The following UBE2E3 variants were observed in gnomAD, a reference collection of about 807,000 sequenced individuals.
The protein encoded by UBE2E3 is ubiquitin-conjugating enzyme E2 E3.
Under a neutral mutation model 23.6 loss-of-function variants are expected in UBE2E3, and 5 were observed. That is an observed-to-expected ratio of 0.21 (90% confidence interval 0.11 to 0.44). The LOEUF (loss-of-function observed/expected upper bound fraction) is 0.44. UBE2E3 is among the 20% of genes least tolerant of loss of function. The pLI is 0.99. For synonymous variants in UBE2E3, 78 were observed against 87.5 expected (o/e 0.89, Z 0.60); for missense variants, 81 against 249.8 (o/e 0.32, Z 4.55).
chr2:181,015,386 T>C (rs1447542774), intron 3 of UBE2E3, among the ~76,000 whole-genome samples: 1 of 152,090 alleles, frequency 6.6e-6, no homozygotes, highest in Non-Finnish European at 1.5e-5. Flanking sequence ...TCTAGAACAT[T>C]TTGTCAATAA....
At chr2:181,050,633 G>A (rs985916905) in intron 3 of UBE2E3, among the ~76,000 whole-genome samples, 35 of 151,708 alleles carry the variant, frequency 2.3e-4, no homozygotes, top group African/African-American at 8.5e-4. Context: ...ATATTTGTAT[G>A]GATTTATTGC....
chr2:181,021,289 C>CT (rs1268576536), intron 3 of UBE2E3, among the ~76,000 whole-genome samples: 1 of 151,656 alleles, frequency 6.6e-6, no homozygotes, highest in East Asian at 1.9e-4. Context: ...ATTTTTCTGT[C>CT]TTTATCCGAG....
Position 181,056,081 on chromosome 2 carries a change from TAAAAA to T in UBE2E3, c.246-1598_246-1594del, listed in dbSNP as rs58442227. On this transcript the variant is annotated intron_variant, in intron 3 of 5. Transcript: ENST00000410062. Reference sequence around the variant, plus strand: ...CCTTATGCCAAAGGAAGGAAATGCTTAAAAAAAAAAAAAAAAAAGATGCTAACATG... The same window carrying T: ...CCTTATGCCAAAGGAAGGAAATGCTTAAAAAAAAAAAAAGATGCTAACATG... Among the ~76,000 whole-genome samples the T allele has an allele frequency of 3.2e-3, 439 of 135,668 alleles. 1 individual carries two copies. Among genetic ancestry groups the T allele is most frequent in the Non-Finnish European group, 5.0e-3 (315 of 63,156 alleles). The allele number at this position is 135,668 out of a possible 152,430, so 89.0% of individuals were successfully genotyped here.
chr2:181,025,434 A>G (rs1476106054), intron 3 of UBE2E3, among the ~76,000 whole-genome samples: 1 of 151,864 alleles, frequency 6.6e-6, no homozygotes, highest in Admixed American at 6.6e-5. Flanking sequence ...GTTAAAATAC[A>G]TTTAGCTTTG....
At chr2:181,016,366 C>T (rs977939870) in intron 3 of UBE2E3, among the ~76,000 whole-genome samples, 1 of 152,076 alleles carries the variant, frequency 6.6e-6, no homozygotes, top group Non-Finnish European at 1.5e-5. Context: ...AGGCATGAGC[C>T]ACCATGCTTG....
At chr2:181,034,548 A>AGG (rs1686203288) in intron 3 of UBE2E3, among the ~76,000 whole-genome samples, 1 of 152,152 alleles carries the variant, frequency 6.6e-6, no homozygotes, top group South Asian at 2.1e-4. Flanking sequence ...GAGCGGGGAG[A>AGG]GATAGCATTA....
intron 3 of UBE2E3, among the ~76,000 whole-genome samples, chr2:180,984,708 G>A (rs908424673): frequency 6.6e-6 from 1 of 152,162 alleles, no homozygotes; most frequent in African/African-American, 2.4e-5. Context: ...ATGAAAAGCA[G>A]TAAATGAATT....
chr2:180,999,063 C>CA (rs1328741293), intron 3 of UBE2E3, among the ~76,000 whole-genome samples: 1 of 152,044 alleles, frequency 6.6e-6, no homozygotes, highest in Non-Finnish European at 1.5e-5. Context: ...TGTTTTGAGG[C>CA]AAATGTAGTA....
At chr2:181,060,284 TC>T (rs1687105298) in intron 4 of UBE2E3, among the ~76,000 whole-genome samples, 1 of 151,722 alleles carries the variant, frequency 6.6e-6, no homozygotes, top group Non-Finnish European at 1.5e-5. Context: ...CTTCATCAGT[TC>T]CTCTTACCTT....
intron 3 of UBE2E3, among the ~76,000 whole-genome samples, chr2:180,998,897 T>A (rs1297317705): frequency 2.0e-5 from 3 of 152,228 alleles, no homozygotes; most frequent in Non-Finnish European, 2.9e-5. Flanking sequence ...AGGTTGTTTG[T>A]AAAATAACTT....
chr2:180,988,185 G>A (rs1684538805), intron 3 of UBE2E3, among the ~76,000 whole-genome samples: 1 of 152,108 alleles, frequency 6.6e-6, no homozygotes, highest in Non-Finnish European at 1.5e-5. Flanking sequence ...AGTGGCCACA[G>A]CAAGATAAAA....
chr2:181,029,206 T>C (rs1310251374), intron 3 of UBE2E3, among the ~76,000 whole-genome samples: 8 of 152,138 alleles, frequency 5.3e-5, no homozygotes, highest in Non-Finnish European at 1.5e-5. Flanking sequence ...GTACATGATA[T>C]AGTTTTAATT....
intron 3 of UBE2E3, among the ~76,000 whole-genome samples, chr2:180,988,574 T>C (rs560333533): frequency 6.6e-5 from 10 of 152,320 alleles, no homozygotes; most frequent in African/African-American, 2.4e-4. Context: ...TTACTGTGAA[T>C]GGGATTATAT....
chr2:181,055,106 G>T (rs921130276), intron 3 of UBE2E3, among the ~76,000 whole-genome samples: 15 of 151,708 alleles, frequency 9.9e-5, no homozygotes, highest in African/African-American at 3.6e-4. Flanking sequence ...GTAATGGGAG[G>T]AAATGCCTGT....
chr2:180,992,740 C>T (rs1225366309), intron 3 of UBE2E3, among the ~76,000 whole-genome samples: 2 of 152,086 alleles, frequency 1.3e-5, no homozygotes, highest in African/African-American at 4.8e-5. Flanking sequence ...CAGCTCACCG[C>T]AACCTCTGCC....
At chr2:181,023,898 T>TTAC (rs1293425818) in intron 3 of UBE2E3, among the ~76,000 whole-genome samples, 1 of 152,188 alleles carries the variant, frequency 6.6e-6, no homozygotes, top group Non-Finnish European at 1.5e-5. Flanking sequence ...GCTATAATCA[T>TTAC]TACTACTATT....
intron 4 of UBE2E3, among the ~76,000 whole-genome samples, chr2:181,058,826 GT>G (rs1341641946): frequency 6.6e-6 from 1 of 151,692 alleles, no homozygotes; most frequent in African/African-American, 2.4e-5. Flanking sequence ...CCATCTAGTG[GT>G]ATTTACCCCA....
At chr2:181,057,190 C>T (rs753527308) in intron 3 of UBE2E3, among the ~76,000 whole-genome samples, 2 of 151,666 alleles carry the variant, frequency 1.3e-5, no homozygotes, top group African/African-American at 2.4e-5. Flanking sequence ...AGGGTATTAC[C>T]GAATCAGTTG....
intron 3 of UBE2E3, among the ~76,000 whole-genome samples, chr2:181,007,462 A>G (rs1401125): frequency 0.23 from 35,287 of 152,002 alleles, 4,477 homozygotes; most frequent in Non-Finnish European, 0.28. Context: ...AAAAGAAGAG[A>G]AAGTGGAGAT....
Sources: allele counts gnomAD v4.1 joint callset (sites outside exome capture counted in the v4.1 genomes callset), GRCh38; gene constraint gnomAD v4.1.1; transcripts MANE v1.5; gene names NCBI Gene and HGNC (gene_info 2026-07-23, HGNC 2026-07-21).